ITGA11: variants seen among roughly 807,000 people sequenced by gnomAD.
ITGA11 encodes integrin subunit alpha 11.
A neutral mutation model predicts 141.9 loss-of-function variants in ITGA11; 97 were observed. That is an observed-to-expected ratio of 0.68 (90% CI 0.58 to 0.81). The LOEUF is 0.81. Ranked by LOEUF, ITGA11 falls within the 30% of genes least tolerant of loss-of-function variation. ITGA11 has a pLI of 0.00. For synonymous variants in ITGA11, 658 were observed against 624.6 expected (o/e 1.05, Z -0.80); for missense variants, 1,387 against 1,559.2 (o/e 0.89, Z 1.86).
chr15:68,379,711 T>C (rs891802410), intron 2 of ITGA11, among the ~76,000 whole-genome samples: 1 of 152,228 alleles, frequency 6.6e-6, no homozygotes, highest in Non-Finnish European at 1.5e-5. Context: ...CCCATCTCTT[T>C]GCAAGATGCC....
At chr15:68,365,299 G>A (rs117136088) in intron 3 of ITGA11, 30,676 of 985,426 alleles carry the variant, frequency 0.031, 546 homozygotes, top group Non-Finnish European at 0.034. Flanking sequence ...TTCCTCTCAT[G>A]GGTAACAGAG....
chr15:68,430,233 C>A (rs1328318421), intron 1 of ITGA11, among the ~76,000 whole-genome samples: 1 of 152,114 alleles, frequency 6.6e-6, no homozygotes, highest in East Asian at 1.9e-4. Flanking sequence ...TCATTCTCTG[C>A]CCCCTCCTCC....
chr15:68,370,887 G>A (rs1895568804), intron 2 of ITGA11, among the ~76,000 whole-genome samples: 2 of 152,162 alleles, frequency 1.3e-5, no homozygotes, highest in African/African-American at 4.8e-5. Context: ...CGGGCTGCAT[G>A]GCACTTAAGT....
chr15:68,375,143 C>T (rs1428545352), intron 2 of ITGA11, among the ~76,000 whole-genome samples: 1 of 152,176 alleles, frequency 6.6e-6, no homozygotes, highest in Admixed American at 6.5e-5. Flanking sequence ...ACAGGAGCCT[C>T]TCACCTCTCT....
Position 68,432,138 on chromosome 15 carries a change from T to TCGGCGCGGCGCCTGCAGCCTGCA in ITGA11, c.-95_-73dup. 8.4e-7 allele frequency: 1 copy of TCGGCGCGGCGCCTGCAGCCTGCA among 1,183,672 alleles called. No individual in the cohort carries two copies. 73.3% of individuals were successfully genotyped at this position (1,183,672 alleles called of 1,614,324 possible). ...GCGGCAAGCCAGAGCGGCAGCCTCCTCGGCGCGGCGCCTGCAGCCTGCACT... is the reference window on the plus strand; with the variant it reads ...GCGGCAAGCCAGAGCGGCAGCCTCCTCGGCGCGGCGCCTGCAGCCTGCACGGCGCGGCGCCTGCAGCCTGCACT... On this transcript the variant is annotated 5_prime_UTR_variant, in exon 1 of 30. Transcript: ENST00000315757.
At chr15:68,408,457 A>G (rs1448546974) in intron 1 of ITGA11, among the ~76,000 whole-genome samples, 3 of 152,038 alleles carry the variant, frequency 2.0e-5, no homozygotes, top group African/African-American at 4.8e-5. Context: ...TTTGCTACTC[A>G]TTGTTGGGTC....
At chr15:68,351,616 T>C (rs1169805012) in intron 7 of ITGA11, among the ~76,000 whole-genome samples, 7 of 152,182 alleles carry the variant, frequency 4.6e-5, no homozygotes, top group Non-Finnish European at 4.4e-5. Context: ...ATCTGTTGTT[T>C]TTAAATGAAA....
rs968270390 is a variant in ITGA11 at position 68,333,194 on chromosome 15, G to A, written c.1426-716C>T. ...GGCTCACTGTAGCCTCAAACTCCTG[G>A]GTTCAAGTGATCCTCCCATCTCAGC... On this transcript the variant is annotated intron_variant, in intron 12 of 29. Coordinates refer to ENST00000315757, the MANE Select transcript of ITGA11 (RefSeq NM_001004439.2). The surrounding 1 kb of genome is among the most constrained non-coding windows in gnomAD (Gnocchi z 4.2). Among the ~76,000 whole-genome samples the A allele has an allele frequency of 6.6e-6, 1 of 151,520 alleles. No homozygotes were observed. Among genetic ancestry groups the A allele is most frequent in the Non-Finnish European group, 1.5e-5 (1 of 67,942 alleles).
Position 68,358,664 on chromosome 15 carries a change from G to C in ITGA11, c.473-79C>G. 4.8e-6 allele frequency: 7 copies of C among 1,452,492 alleles called. No homozygotes were observed. The South Asian group carries it at 8.3e-5, about 17-fold the overall frequency. 90.0% of individuals were successfully genotyped at this position (1,452,492 alleles called of 1,614,324 possible). On this transcript the variant is annotated intron_variant, in intron 5 of 29. Transcript: ENST00000315757. ...CTGATTCTCTGGACAATTGTTCAAA[G>C]GACAAATGAATGACTCTGCTCCATA...
chr15:68,407,952 TAAG>T (rs1896686745), intron 1 of ITGA11, among the ~76,000 whole-genome samples: 1 of 152,222 alleles, frequency 6.6e-6, no homozygotes, highest in Non-Finnish European at 1.5e-5. Context: ...CGCTCCAGCT[TAAG>T]GAGCGTCTGC....
At position 68,328,346 on chromosome 15, in the gene ITGA11, T is replaced by G; in HGVS notation, c.1902-84A>C. On this transcript the variant is annotated intron_variant, in intron 15 of 29. Coordinates refer to ENST00000315757, the MANE Select transcript of ITGA11 (RefSeq NM_001004439.2). This position sits in a 1 kb window ranked among gnomAD's most constrained non-coding sequence, Gnocchi z 4.8. ...ACCATGGGGAAAGACAAGAACCAGATGCGAGTGGGATCTGCAAAGCCACTG... is the reference window on the plus strand; with the variant it reads ...ACCATGGGGAAAGACAAGAACCAGAGGCGAGTGGGATCTGCAAAGCCACTG... 1 of 1,177,534 alleles carries G rather than the reference T, an allele frequency of 8.5e-7. No individual in the cohort carries two copies. Among genetic ancestry groups the G allele is most frequent in the Non-Finnish European group, 1.2e-6 (1 of 864,554 alleles). The allele number at this position is 1,177,534 out of a possible 1,614,324, so 72.9% of individuals were successfully genotyped here.
intron 10 of ITGA11, among the ~76,000 whole-genome samples, chr15:68,343,435 A>C (rs965396704): frequency 3.3e-5 from 5 of 152,224 alleles, no homozygotes; most frequent in African/African-American, 1.2e-4. Context: ...TATTCTTCAG[A>C]CATCTACTAA....
At chr15:68,387,363 G>A (rs989343401) in intron 2 of ITGA11, among the ~76,000 whole-genome samples, 3 of 152,250 alleles carry the variant, frequency 2.0e-5, no homozygotes, top group East Asian at 1.9e-4. Flanking sequence ...AATGGCAACC[G>A]CTAAGTGTGT....
intron 2 of ITGA11, among the ~76,000 whole-genome samples, chr15:68,376,038 T>C (rs750371443): frequency 4.6e-5 from 7 of 152,154 alleles, no homozygotes; most frequent in African/African-American, 1.2e-4. Context: ...GGGCCCAGCG[T>C]CTGTGTTTTC....
chr15:68,306,858 G>A (rs562314791), intron 28 of ITGA11, among the ~76,000 whole-genome samples: 6 of 152,368 alleles, frequency 3.9e-5, no homozygotes, highest in Admixed American at 1.3e-4. Flanking sequence ...AGCGTCCCAC[G>A]CCCGGCTGCC....
At chr15:68,311,908 C>T (rs1322788623) in intron 24 of ITGA11, among the ~76,000 whole-genome samples, 1 of 152,194 alleles carries the variant, frequency 6.6e-6, no homozygotes, top group Non-Finnish European at 1.5e-5. Context: ...GGCTTTGGAA[C>T]CAGAAAGACC....
intron 9 of ITGA11, among the ~76,000 whole-genome samples, chr15:68,350,124 A>T (rs574255140): frequency 6.6e-6 from 1 of 152,316 alleles, no homozygotes; most frequent in African/African-American, 2.4e-5. Context: ...ACCTTTCAGC[A>T]TTGTTCATAA....
intron 14 of ITGA11, among the ~76,000 whole-genome samples, chr15:68,331,367 C>T (rs987027088): frequency 6.6e-6 from 1 of 152,272 alleles, no homozygotes; most frequent in Non-Finnish European, 1.5e-5. Flanking sequence ...TACTTGGAGG[C>T]GACCCATCCC....
rs1280120507 is a variant in ITGA11 at position 68,305,688 on chromosome 15, T to G, written c.3381+1660A>C. Among the ~76,000 whole-genome samples the G allele has an allele frequency of 2.0e-5, 3 of 152,014 alleles. No homozygotes were observed. Among genetic ancestry groups the G allele is most frequent in the African/African-American group, 7.2e-5 (3 of 41,386 alleles). On this transcript the variant is annotated intron_variant, in intron 28 of 29. Coordinates refer to ENST00000315757, the MANE Select transcript of ITGA11 (RefSeq NM_001004439.2). The surrounding 1 kb of genome is among the most constrained non-coding windows in gnomAD (Gnocchi z 4.6). ...TGCCTCGGTGTGCATACCTGAGAGA[T>G]GGGGGTGGGGACAGTGCCTCACAGT...
Sources: gnomAD v4.1 joint callset for allele counts (sites outside exome capture counted in the v4.1 genomes callset) on GRCh38, gnomAD v4.1.1 for gene constraint, Gnocchi (gnomAD v3.1) non-coding constraint, MANE v1.5 for transcripts, NCBI Gene and HGNC (gene_info 2026-07-23, HGNC 2026-07-21) for gene names.